LBP: variants seen among roughly 807,000 people sequenced by gnomAD.
LBP encodes the protein lipopolysaccharide-binding protein.
In LBP, 53 loss-of-function variants were observed where a neutral mutation model predicts 56.6. That is an observed-to-expected ratio of 0.94 (90% CI 0.75 to 1.18). LBP has a LOEUF of 1.18. LBP is among the 50% of genes most tolerant of loss of function. The pLI, the probability that LBP is intolerant of heterozygous loss-of-function variation, is 0.00. For synonymous variants in LBP, 227 were observed against 247.5 expected, an observed-to-expected ratio of 0.92 and a Z score of 0.78; for missense variants, 601 against 598.3, an observed-to-expected ratio of 1.00 and a Z score of -0.05.
At chr20:38,349,326 G>A (rs1232954609) in intron 1 of LBP, among the ~76,000 whole-genome samples, 1 of 152,104 alleles carries the variant, frequency 6.6e-6, no homozygotes, top group Non-Finnish European at 1.5e-5. Flanking sequence ...TTCCTCATCA[G>A]TAAAATGGGC....
chr20:38,365,717 A>AATATATATATATAT, intron 8 of LBP, among the ~76,000 whole-genome samples: 1 of 43,726 alleles, frequency 2.3e-5, no homozygotes, highest in Non-Finnish European at 4.4e-5. Context: ...AAAAAAAAAA[A>AATATATATATATAT]ATATATATAT....
At chr20:38,356,447 CA>C (rs1568829267) in intron 5 of LBP, among the ~76,000 whole-genome samples, 22 of 121,108 alleles carry the variant, frequency 1.8e-4, no homozygotes, top group African/African-American at 6.1e-4. Context: ...CACACACACA[CA>C]CACACACCCT....
intron 1 of LBP, among the ~76,000 whole-genome samples, chr20:38,347,925 T>C (rs1168194800): frequency 1.3e-5 from 2 of 151,994 alleles, no homozygotes; most frequent in Non-Finnish European, 2.9e-5. Flanking sequence ...TTCCCTTAGA[T>C]AGGGTTGTTG....
chr20:38,367,716 C>G (rs1276799526), intron 9 of LBP, among the ~76,000 whole-genome samples: 1 of 152,180 alleles, frequency 6.6e-6, no homozygotes, highest in East Asian at 1.9e-4. Flanking sequence ...AAGCATTTTA[C>G]CCCCTCAGCC....
In LBP at chr20:38,348,782, A is replaced by AGTTTTGTTTT. The variant is rs1397467873; in HGVS notation, c.125-762_125-761insTGTTTTGTTT. 5.6e-3 allele frequency among the ~76,000 whole-genome samples: 732 copies of AGTTTTGTTTT among 131,230 alleles called. 6 individuals carry two copies. Among genetic ancestry groups the AGTTTTGTTTT allele is most frequent in the African/African-American group, 0.021 (686 of 32,708 alleles). 86.1% of individuals were successfully genotyped at this position (131,230 alleles called of 152,430 possible). A position where few individuals can be genotyped will look rare whatever the true frequency, so the allele number is the denominator to read the frequency against. ...AGTTTAGTTTAGTTTAGTTTAGTTT[A>AGTTTTGTTTT]GTTTAGTTTTGTTTTGTTTTGTTTT... is the stretch of plus-strand genomic sequence containing the variant. On this transcript the variant is annotated intron_variant, in intron 1 of 14. Transcript: ENST00000217407.
intron 7 of LBP, 99 bp from the exon 8 acceptor site, chr20:38,364,477 C>T: frequency 6.3e-6 from 7 of 1,111,346 alleles, no homozygotes; most frequent in Non-Finnish European, 6.8e-6. Flanking sequence ...AGGCAGTGTT[C>T]CAGCCAGCGT....
intron 6 of LBP, among the ~76,000 whole-genome samples, chr20:38,363,370 G>A (rs1174617623): frequency 6.6e-6 from 1 of 152,178 alleles, no homozygotes; most frequent in Non-Finnish European, 1.5e-5. Flanking sequence ...TAGGTGCTTT[G>A]CTGTCCCTTG....
intron 3 of LBP, among the ~76,000 whole-genome samples, chr20:38,353,220 G>A (rs761189135): frequency 7.2e-5 from 11 of 152,054 alleles, no homozygotes; most frequent in Non-Finnish European, 1.3e-4. Context: ...TACATTCAGT[G>A]GCATGTAGTA....
chr20:38,354,294 G>A lies in LBP; in HGVS notation c.379G>A (p.Gly127Ser), dbSNP rs2076830660. ...TCTTACCTCCTCCAGCAAACTACAG[G>A]GCTCCTTTGATGTCAGTGTCAAGGG... The part of the protein sequence containing the change: ...KVRKSFFKLQ[G>S]SFDVSVKGIS... Residue 127 changes from glycine (G) to serine (S), a missense_variant, in exon 4 of 15, where the codon GGC becomes AGC. Physicochemically the swap from Gly to Ser is moderately conservative, Grantham distance 56. Coordinates refer to ENST00000217407, the MANE Select transcript of LBP (RefSeq NM_004139.5). The A allele has an allele frequency of 6.2e-7, 1 of 1,613,012 alleles. No homozygotes were observed. The highest frequency in any genetic ancestry group is 8.5e-7 in the Non-Finnish European group (1 of 1,179,548).
chr20:38,348,011 G>A (rs927703980), intron 1 of LBP, among the ~76,000 whole-genome samples: 1 of 152,218 alleles, frequency 6.6e-6, no homozygotes, highest in Admixed American at 6.5e-5. Flanking sequence ...GGAAAAGACA[G>A]TGGGAATTAC....
At chr20:38,348,455 G>A (rs1600720984) in intron 1 of LBP, among the ~76,000 whole-genome samples, 1 of 152,044 alleles carries the variant, frequency 6.6e-6, no homozygotes, top group Non-Finnish European at 1.5e-5. Flanking sequence ...TGGGATTACA[G>A]GCACATGCTA....
Position 38,360,757 on chromosome 20 carries a change from A to G in LBP, c.642A>G (p.Gln214=). The G allele has an allele frequency of 6.2e-7, 1 of 1,611,882 alleles. No homozygotes were observed. Among genetic ancestry groups the G allele is most frequent in the Non-Finnish European group, 8.5e-7 (1 of 1,178,034 alleles). ...CCTCCGATCTACAGCCTTATCTCCA[A>G]ACTCTGCCAGGTAGGACACCCCATC... ...SVSSDLQPYL[Q]TLPVTTEIDS... Residue 214 remains glutamine (Q), a synonymous_variant, in exon 6 of 15, where the codon CAA becomes CAG. Transcript: ENST00000217407.
At chr20:38,361,154 ACT>A (rs2076858827) in intron 6 of LBP, among the ~76,000 whole-genome samples, 1 of 150,074 alleles carries the variant, frequency 6.7e-6, no homozygotes, top group Non-Finnish European at 1.5e-5. Context: ...AAAGACCGAA[ACT>A]CTGTCTCAAC....
chr20:38,359,549 T>C (rs758473578), intron 5 of LBP, among the ~76,000 whole-genome samples: 1 of 152,134 alleles, frequency 6.6e-6, no homozygotes, highest in Non-Finnish European at 1.5e-5. Context: ...GCCATTGCAC[T>C]CTAGCCTAGA....
intron 5 of LBP, among the ~76,000 whole-genome samples, chr20:38,356,084 A>C (rs1486490037): frequency 7.6e-6 from 1 of 132,390 alleles, no homozygotes; most frequent in African/African-American, 2.9e-5. Flanking sequence ...CACACACACC[A>C]CACCCCACAC....
At chr20:38,362,121 C>G (rs543876777) in intron 6 of LBP, among the ~76,000 whole-genome samples, 1 of 146,622 alleles carries the variant, frequency 6.8e-6, no homozygotes, top group East Asian at 2.0e-4. Context: ...TGCAGTGGCG[C>G]AATCTCGGCT....
At position 38,376,894 on chromosome 20, in the gene LBP, C is replaced by T. The variant is rs745144; in HGVS notation, c.*225C>T. The T allele has an allele frequency of 0.36, 248,610 of 683,748 alleles. 50,292 individuals are homozygous for T. Among genetic ancestry groups the T allele is most frequent in the Non-Finnish European group, 0.43 (160,834 of 372,426 alleles). 42.4% of individuals were successfully genotyped at this position (683,748 alleles called of 1,614,324 possible). On this transcript the variant is annotated 3_prime_UTR_variant, in exon 15 of 15. Transcript: ENST00000217407. ...CCCCTCCAGGAGGGACCACCCTCCC[C>T]GACTGGCCTGGGATATCTTTACAAG...
chr20:38,360,586 T>C, intron 5 of LBP, 118 bp from the exon 6 acceptor site: 1 of 683,272 alleles, frequency 1.5e-6, no homozygotes, highest in Non-Finnish European at 2.6e-6. Flanking sequence ...CACTTATAAA[T>C]ATTTGTAAAT....
chr20:38,351,010 G>C, intron 3 of LBP, 71 bp downstream of exon 3: 1 of 1,567,296 alleles, frequency 6.4e-7, no homozygotes, highest in Admixed American at 1.7e-5. Context: ...TTAGGTCCAA[G>C]GTGTTCCTAG....
Sources: gnomAD v4.1 joint callset for allele counts (sites outside exome capture counted in the v4.1 genomes callset) on GRCh38, gnomAD v4.1.1 for gene constraint, MANE v1.5 for transcripts, NCBI Gene and HGNC (gene_info 2026-07-23, HGNC 2026-07-21) for gene names.